BHLHE40: variants seen among roughly 807,000 people sequenced by gnomAD.
BHLHE40 encodes basic helix-loop-helix family member e40.
In BHLHE40, 3 loss-of-function variants were observed where a neutral mutation model predicts 35.7. That is an observed-to-expected ratio of 0.08 (90% CI 0.04 to 0.22). BHLHE40 has a LOEUF of 0.22. Among genes scored for constraint, BHLHE40 ranks in the 10% least tolerant of loss-of-function variants. The pLI, the probability that BHLHE40 is intolerant of heterozygous loss-of-function variation, is 1.00. For missense variants in BHLHE40, 486 were observed against 524.0 expected (o/e 0.93, Z 0.71); for synonymous variants, 236 against 213.0 (o/e 1.11, Z -0.94).
intron 4 of BHLHE40, among the ~76,000 whole-genome samples, chr3:4,982,053 A>C (rs1044391343): frequency 2.2e-4 from 33 of 152,220 alleles, no homozygotes; most frequent in Admixed American, 2.2e-3. Flanking sequence ...ATTCGTTTCT[A>C]CTGACTTCCA....
chr3:4,982,528 CA>C (rs757632617), intron 4 of BHLHE40, among the ~76,000 whole-genome samples: 1 of 152,152 alleles, frequency 6.6e-6, no homozygotes, highest in Non-Finnish European at 1.5e-5. Flanking sequence ...ACTCACAAAC[CA>C]CCTATACAAT....
rs113554182 is a variant in BHLHE40, at chr3:4,983,620, G to C, written c.1167G>C (p.Pro389=). ...TCCCTTCTCCCTTGCCAGCTCATCCGTCCGTCGACTCTTCTGTCTTGCTCC... is the reference window on the plus strand; with the variant it reads ...TCCCTTCTCCCTTGCCAGCTCATCCCTCCGTCGACTCTTCTGTCTTGCTCC... The part of the protein sequence containing the change: ...QRLPSPLPAH[P]SVDSSVLLQA... Residue 389 remains proline (P), a synonymous_variant, in exon 5 of 5, where the codon CCG becomes CCC. Coordinates refer to ENST00000256495, the MANE Select transcript of BHLHE40 (RefSeq NM_003670.3). This position sits in a 1 kb window ranked among gnomAD's most constrained non-coding sequence, Gnocchi z 5.0. 6 of 1,614,056 alleles carry C rather than the reference G, an allele frequency of 3.7e-6. No homozygotes were observed. Among genetic ancestry groups the C allele is most frequent in the East Asian group, 4.5e-5 (2 of 44,884 alleles).
chr3:4,979,875 C>A (rs768409275), intron 1 of BHLHE40, 77 bp downstream of exon 1: 1 of 1,606,708 alleles, frequency 6.2e-7, no homozygotes, highest in East Asian at 2.2e-5. Flanking sequence ...TGGAGCAGCT[C>A]CGGGCGCACC....
chr3:4,981,970 C>T (rs1407738339), intron 4 of BHLHE40, among the ~76,000 whole-genome samples: 4 of 152,220 alleles, frequency 2.6e-5, no homozygotes, highest in African/African-American at 9.6e-5. Flanking sequence ...TCCTGCATTT[C>T]ATGTGGTTCC....
In BHLHE40 at chr3:4,979,648, C is replaced by G. The variant is rs1353787513; in HGVS notation, c.-71C>G. On this transcript the variant is annotated 5_prime_UTR_variant, in exon 1 of 5. Coordinates refer to ENST00000256495, the MANE Select transcript of BHLHE40 (RefSeq NM_003670.3). ...TGCGGAGAGACCCCCGAAGCCCTCT[C>G]CAGGGCAGTCCTCATCCAGACGCTC... The G allele has an allele frequency of 3.3e-6, 5 of 1,494,978 alleles. No homozygotes were observed. Among genetic ancestry groups the G allele is most frequent in the Non-Finnish European group, 4.5e-6 (5 of 1,099,654 alleles). 92.6% of individuals were successfully genotyped at this position (1,494,978 alleles called of 1,614,324 possible).
intron 4 of BHLHE40, among the ~76,000 whole-genome samples, chr3:4,981,909 C>T (rs2053201643): frequency 6.6e-6 from 1 of 152,192 alleles, no homozygotes; most frequent in African/African-American, 2.4e-5. Flanking sequence ...TTCTTTGCTT[C>T]CTTGTCACTT....
rs1370221369 is a variant in BHLHE40, at chr3:4,981,466, T to G, written c.333T>G (p.Ile111Met). Residue 111 changes from isoleucine to methionine, a missense_variant, in exon 4 of 5, where the codon ATT becomes ATG. This residue lies in a region of BHLHE40 where 176 missense variants were observed against 180.5 expected (regional missense o/e 0.98). Transcript: ENST00000256495. ...ATGTGAAAGCACTAACAAACCTAAT[T>G]GATCAGCAGCAGCAGAAAATCATTG... is the stretch of plus-strand genomic sequence containing the variant. ...LKHVKALTNL[I>M]DQQQQKIIAL... is the part of the protein sequence containing the mutation. The G allele has an allele frequency of 6.2e-7, 1 of 1,614,084 alleles. No homozygotes were observed. The highest frequency in any genetic ancestry group is 1.7e-5 in the Admixed American group (1 of 60,020).
rs142434540 is a variant in BHLHE40 at position 4,983,623 on chromosome 3, C to T, written c.1170C>T (p.Ser390=). 7.4e-6 allele frequency: 12 copies of T among 1,614,030 alleles called. No homozygotes were observed. Among genetic ancestry groups the T allele is most frequent in the African/African-American group, 1.3e-5 (1 of 74,914 alleles). The change falls in exon 5 of 5, where the codon TCC becomes TCT. Residue 390 remains serine, a synonymous_variant. Coordinates refer to ENST00000256495, the MANE Select transcript of BHLHE40 (RefSeq NM_003670.3). The surrounding 1 kb of genome is among the most constrained non-coding windows in gnomAD (Gnocchi z 5.0). ...CTTCTCCCTTGCCAGCTCATCCGTC[C>T]GTCGACTCTTCTGTCTTGCTCCAAG... is the stretch of plus-strand genomic sequence containing the variant. ...RLPSPLPAHP[S]VDSSVLLQAL...
chr3:4,980,041 T>C lies in BHLHE40; in HGVS notation c.150+10T>C. On this transcript the variant is annotated intron_variant, in intron 2 of 4. Coordinates refer to ENST00000256495, the MANE Select transcript of BHLHE40 (RefSeq NM_003670.3). ...GAGCGAGGACAGCAAGGTAAGCAAG[T>C]GCACCCCTAGGGACCCTGCGCTCAG... is the stretch of plus-strand genomic sequence containing the variant. The C allele has an allele frequency of 6.2e-7, 1 of 1,613,908 alleles. No individual in the cohort carries two copies. Among genetic ancestry groups the C allele is most frequent in the African/African-American group, 1.3e-5 (1 of 75,010 alleles).
chr3:4,981,610 C>A, intron 4 of BHLHE40, 95 bp downstream of exon 4: 1 of 1,467,016 alleles, frequency 6.8e-7, no homozygotes, highest in South Asian at 1.3e-5. Context: ...ATTACTGCAA[C>A]AAATTGCTTA....
Position 4,983,009 on chromosome 3 carries a change from G to A in BHLHE40, c.556G>A (p.Gly186Ser). ...GGTGGTCTCGGAGCTGCTGCAGGGT[G>A]GTACCTCCAGGAAGCCATCAGACCC... ...HRVVSELLQG[G>S]TSRKPSDPAP... The change falls in exon 5 of 5, where the codon GGT (glycine) becomes AGT (serine). Residue 186 changes from glycine to serine, a missense_variant. Gly to Ser is a moderately conservative substitution (Grantham distance 56, BLOSUM62 0). This residue lies in a region of BHLHE40 where 176 missense variants were observed against 180.5 expected (regional missense o/e 0.98). Coordinates refer to ENST00000256495, the MANE Select transcript of BHLHE40 (RefSeq NM_003670.3). The surrounding 1 kb of genome is among the most constrained non-coding windows in gnomAD (Gnocchi z 5.0). 5 of 1,613,736 alleles carry A rather than the reference G, an allele frequency of 3.1e-6. No individual in the cohort carries two copies. The highest frequency in any genetic ancestry group is 4.2e-6 in the Non-Finnish European group (5 of 1,179,660).
At position 4,980,019 on chromosome 3, in the gene BHLHE40, C is replaced by T. The variant is rs776398485; in HGVS notation, c.138C>T (p.Ser46=). The change falls in exon 2 of 5, where the codon AGC becomes AGT. Residue 46 remains serine, a synonymous_variant. Transcript: ENST00000256495. ...VYKSRRGIKR[S]EDSKETYKLP... is the part of the protein sequence containing the mutation. ...AGTCAAGACGGGGAATAAAGCGGAGCGAGGACAGCAAGGTAAGCAAGTGCA... is the reference window on the plus strand; with the variant it reads ...AGTCAAGACGGGGAATAAAGCGGAGTGAGGACAGCAAGGTAAGCAAGTGCA... 2 of 1,614,116 alleles carry T rather than the reference C, an allele frequency of 1.2e-6. No homozygotes were observed. Among genetic ancestry groups the T allele is most frequent in the African/African-American group, 2.7e-5 (2 of 75,036 alleles).
Position 4,981,535 on chromosome 3 carries a change from A to G in BHLHE40, c.382+20A>G. On this transcript the variant is annotated intron_variant, in intron 4 of 4. Coordinates refer to ENST00000256495, the MANE Select transcript of BHLHE40 (RefSeq NM_003670.3). ...AAGCTGGTGAGTGCTGATTCTGGCT[A>G]TGCTCTCTTTAAGAGTTTGAGTGCA... is the stretch of plus-strand genomic sequence containing the variant. 1 of 1,612,742 alleles carries G rather than the reference A, an allele frequency of 6.2e-7. No homozygotes were observed. Among genetic ancestry groups the G allele is most frequent in the Non-Finnish European group, 8.5e-7 (1 of 1,179,320 alleles).
rs1491355357 is a variant in BHLHE40 at position 4,983,854 on chromosome 3, GTA to G, written c.*164_*165del. Reference sequence around the variant, plus strand: ...GGTGTGTGTGTGTGTGTGTGTGTGTGTATGTGCGTGTGCGTGCACATGTGTGC... The same window carrying G: ...GGTGTGTGTGTGTGTGTGTGTGTGTGTGTGCGTGTGCGTGCACATGTGTGC... On this transcript the variant is annotated 3_prime_UTR_variant, in exon 5 of 5. Coordinates refer to ENST00000256495, the MANE Select transcript of BHLHE40 (RefSeq NM_003670.3). This position sits in a 1 kb window ranked among gnomAD's most constrained non-coding sequence, Gnocchi z 5.0. 1.4e-3 allele frequency: 1,380 copies of G among 975,098 alleles called. 6 individuals are homozygous for G. The highest frequency in any genetic ancestry group is 2.3e-3 in the Admixed American group (82 of 35,426). The allele number at this position is 975,098 out of a possible 1,614,324, so 60.4% of individuals were successfully genotyped here.
chr3:4,982,323 G>T (rs2053205053), intron 4 of BHLHE40, among the ~76,000 whole-genome samples: 1 of 152,210 alleles, frequency 6.6e-6, no homozygotes. Context: ...CCTAATTAAA[G>T]GTCACAGCAT....
rs770234314 is a variant in BHLHE40 at position 4,983,589 on chromosome 3, A to G, written c.1136A>G (p.Gln379Arg). ...ATCTCGGCTCCCTTGCTCATGCCCC[A>G]GAGACTCCCTTCTCCCTTGCCAGCT... ...DKISAPLLMPQRLPSPLPAHP... is the reference protein window; with the variant it reads ...DKISAPLLMPRRLPSPLPAHP... Residue 379 changes from glutamine (Q) to arginine (R), a missense_variant, in exon 5 of 5, where the codon CAG becomes CGG. Transcript: ENST00000256495. This position sits in a 1 kb window ranked among gnomAD's most constrained non-coding sequence, Gnocchi z 5.0. The G allele has an allele frequency of 4.3e-6, 7 of 1,614,072 alleles. No homozygotes were observed. In the South Asian group the frequency reaches 4.4e-5, roughly 10 times the overall value.
Position 4,979,581 on chromosome 3 carries a change from CA to C in BHLHE40, c.-137del, listed in dbSNP as rs1482026180. Reference sequence around the variant, plus strand: ...TGCATCTCAAAGCCGAAGATTCCAGCAGCCCAGGGGATTTCAAAGAGCTCAG... The same window carrying C: ...TGCATCTCAAAGCCGAAGATTCCAGCGCCCAGGGGATTTCAAAGAGCTCAG... On this transcript the variant is annotated 5_prime_UTR_variant, in exon 1 of 5. Transcript: ENST00000256495. 4 of 881,016 alleles carry C rather than the reference CA, an allele frequency of 4.5e-6. No homozygotes were observed. Among genetic ancestry groups the C allele is most frequent in the Non-Finnish European group, 6.8e-6 (4 of 584,110 alleles). 54.6% of individuals were successfully genotyped at this position (881,016 alleles called of 1,614,324 possible).
At chr3:4,982,719 T>A (rs2053208249) in intron 4 of BHLHE40, 117 bp from the exon 5 acceptor site, 1 of 1,277,600 alleles carries the variant, frequency 7.8e-7, no homozygotes, top group South Asian at 1.4e-5. Context: ...GGAACACAAA[T>A]CAGTAAATGC....
In BHLHE40 at chr3:4,984,936, A is replaced by G. The variant is rs1351887655; in HGVS notation, c.*1244A>G. On this transcript the variant is annotated 3_prime_UTR_variant, in exon 5 of 5. Coordinates refer to ENST00000256495, the MANE Select transcript of BHLHE40 (RefSeq NM_003670.3). ...TTATAAATATATATTATATAAATAT[A>G]TTAAAAAGGAAAATGTTTCAGATGT... 2.0e-5 allele frequency: 3 copies of G among 151,884 alleles called. No individual in the cohort carries two copies. The highest frequency in any genetic ancestry group is 4.4e-5 in the Non-Finnish European group (3 of 67,882). The allele number at this position is 151,884 out of a possible 1,614,324, so 9.4% of individuals were successfully genotyped here. A position where few individuals can be genotyped will look rare whatever the true frequency, so the allele number is the denominator to read the frequency against.
Sources: gnomAD v4.1 joint callset for allele counts (sites outside exome capture counted in the v4.1 genomes callset) on GRCh38, gnomAD v4.1.1 for gene constraint, gnomAD v4.1.1 regional missense constraint, Gnocchi (gnomAD v3.1) non-coding constraint, MANE v1.5 for transcripts, NCBI Gene and HGNC (gene_info 2026-07-23, HGNC 2026-07-21) for gene names.